Variants in CDH13 observed in about 807,000 individuals in gnomAD.
CDH13 encodes the protein cadherin 13.
A neutral mutation model predicts 63.8 loss-of-function variants in CDH13; 24 were observed. That is an observed-to-expected ratio of 0.38 (90% CI 0.27 to 0.53). The LOEUF (loss-of-function observed/expected upper bound fraction) is 0.53. Ranked by LOEUF, CDH13 falls within the 20% of genes least tolerant of loss-of-function variation. The pLI is 0.85. For synonymous variants in CDH13, 503 were observed against 355.3 expected, an observed-to-expected ratio of 1.42 and a Z score of -4.67; for missense variants, 1,049 against 903.1, an observed-to-expected ratio of 1.16 and a Z score of -2.07.
chr16:83,738,058 A>G (rs1911704713), intron 10 of CDH13, among the ~76,000 whole-genome samples: 1 of 152,272 alleles, frequency 6.6e-6, no homozygotes, highest in Non-Finnish European at 1.5e-5. Context: ...TAGACACAAC[A>G]GCAGAAAGTT....
At chr16:83,112,349 A>G (rs2035097634) in intron 3 of CDH13, among the ~76,000 whole-genome samples, 4 of 152,192 alleles carry the variant, frequency 2.6e-5, no homozygotes, top group African/African-American at 2.4e-5. Flanking sequence ...AAGCAAGCAA[A>G]CAGGCTTTGA....
rs144980004 is a variant in CDH13, at chr16:82,958,870, T to G, written c.158-73140T>G. On this transcript the variant is annotated intron_variant, in intron 2 of 13. Transcript: ENST00000567109. Reference sequence around the variant, plus strand: ...CTGGGTGAGTACTCAGCCTGAGGTCTGAATGGAACCTTCCACCTGGGAAGA... The same window carrying G: ...CTGGGTGAGTACTCAGCCTGAGGTCGGAATGGAACCTTCCACCTGGGAAGA... Among the ~76,000 whole-genome samples, 769 of 152,398 alleles carry G rather than the reference T, an allele frequency of 5.0e-3. 8 individuals carry two copies. Among genetic ancestry groups the G allele is most frequent in the African/African-American group, 0.018 (743 of 41,602 alleles).
At chr16:82,889,885 C>G (rs1445834962) in intron 2 of CDH13, among the ~76,000 whole-genome samples, 3 of 152,184 alleles carry the variant, frequency 2.0e-5, no homozygotes, top group African/African-American at 7.2e-5. Flanking sequence ...AAAAGAGATG[C>G]TTGCTCAAGA....
At chr16:83,437,174 CAG>C (rs2072330637) in intron 6 of CDH13, among the ~76,000 whole-genome samples, 1 of 152,030 alleles carries the variant, frequency 6.6e-6, no homozygotes, top group African/African-American at 2.4e-5. Flanking sequence ...GTTAAAAGCA[CAG>C]AGTCCAGAAG....
intron 3 of CDH13, among the ~76,000 whole-genome samples, chr16:83,037,997 G>T (rs1917016069): frequency 6.6e-6 from 1 of 152,134 alleles, no homozygotes; most frequent in Admixed American, 6.5e-5. Flanking sequence ...GAGGCCCTGA[G>T]ACAGAAGCCA....
chr16:83,230,436 C>G (rs1221711451), intron 5 of CDH13, among the ~76,000 whole-genome samples: 1 of 152,142 alleles, frequency 6.6e-6, no homozygotes, highest in Non-Finnish European at 1.5e-5. Context: ...TGTTCCCTGC[C>G]TGACCACCCC....
At chr16:83,763,728 A>G (rs1315964234) in intron 11 of CDH13, among the ~76,000 whole-genome samples, 3 of 148,254 alleles carry the variant, frequency 2.0e-5, no homozygotes, top group South Asian at 2.1e-4. Context: ...TAAATTGATG[A>G]CCCAGCCATC....
intron 5 of CDH13, among the ~76,000 whole-genome samples, chr16:83,262,312 G>A (rs1213287600): frequency 6.6e-6 from 1 of 152,170 alleles, no homozygotes; most frequent in East Asian, 1.9e-4. Flanking sequence ...CATTAAGTCT[G>A]CACAGCTGTG....
At chr16:83,237,250 G>A (rs2040173051) in intron 5 of CDH13, among the ~76,000 whole-genome samples, 2 of 152,208 alleles carry the variant, frequency 1.3e-5, no homozygotes, top group South Asian at 2.1e-4. Flanking sequence ...AAAGAGCTGA[G>A]TGGGCACCCA....
At chr16:83,061,908 T>C (rs2031587138) in intron 3 of CDH13, among the ~76,000 whole-genome samples, 1 of 152,166 alleles carries the variant, frequency 6.6e-6, no homozygotes, top group African/African-American at 2.4e-5. Flanking sequence ...CAGGAGATGC[T>C]TACCTGAAGG....
intron 11 of CDH13, among the ~76,000 whole-genome samples, chr16:83,754,478 A>G (rs1387425584): frequency 6.6e-6 from 1 of 152,178 alleles, no homozygotes; most frequent in Non-Finnish European, 1.5e-5. Flanking sequence ...GCAAGGCTCC[A>G]TCTGATACAG....
chr16:83,772,115 C>G (rs1914798909), intron 11 of CDH13, among the ~76,000 whole-genome samples: 1 of 152,012 alleles, frequency 6.6e-6, no homozygotes, highest in Non-Finnish European at 1.5e-5. Flanking sequence ...AAATGAGATG[C>G]CTATTAAACT....
At chr16:83,601,243 T>C (rs1028292997) in intron 7 of CDH13, among the ~76,000 whole-genome samples, 5 of 152,144 alleles carry the variant, frequency 3.3e-5, no homozygotes, top group African/African-American at 1.2e-4. Context: ...ATGAATGGTA[T>C]GATTGTGGAC....
At chr16:83,726,403 A>T (rs201144792) in intron 10 of CDH13, 1 of 137,116 alleles carries the variant, frequency 7.3e-6, no homozygotes, top group Admixed American at 7.3e-5. Flanking sequence ...TTATTTGTTC[A>T]TTCTCCAGAC....
intron 1 of CDH13, among the ~76,000 whole-genome samples, chr16:82,633,140 C>T (rs1908223128): frequency 6.6e-6 from 1 of 152,208 alleles, no homozygotes; most frequent in South Asian, 2.1e-4. Context: ...TGGTACTGGC[C>T]TGTGGCCTGG....
intron 6 of CDH13, among the ~76,000 whole-genome samples, chr16:83,471,629 CAG>C (rs1555554656): frequency 3.9e-5 from 6 of 152,170 alleles, no homozygotes; most frequent in Non-Finnish European, 8.8e-5. Flanking sequence ...TTTTGCAGCT[CAG>C]AGAGGCTGCC....
At chr16:82,683,777 G>C (rs1914790186) in intron 1 of CDH13, among the ~76,000 whole-genome samples, 1 of 152,226 alleles carries the variant, frequency 6.6e-6, no homozygotes, top group Non-Finnish European at 1.5e-5. Flanking sequence ...CTCAAGCCAA[G>C]AAGGCAAAGA....
chr16:83,795,372 G>T lies in CDH13; in HGVS notation c.*342G>T, dbSNP rs922142103. On this transcript the variant is annotated 3_prime_UTR_variant, in exon 14 of 14. Transcript: ENST00000567109. Reference sequence around the variant, plus strand: ...CTCCAGGCACCCAGCTTTGTCTGTGGGTTAGTATTGGTGTATGTATGAGTA... The same window carrying T: ...CTCCAGGCACCCAGCTTTGTCTGTGTGTTAGTATTGGTGTATGTATGAGTA... 6.3e-6 allele frequency: 2 copies of T among 318,614 alleles called. No individual in the cohort carries two copies. The highest frequency in any genetic ancestry group is 1.4e-4 in the East Asian group (2 of 14,434). The allele number at this position is 318,614 out of a possible 1,614,324, so 19.7% of individuals were successfully genotyped here.
At chr16:82,771,023 C>A (rs976608265) in intron 1 of CDH13, among the ~76,000 whole-genome samples, 1 of 152,068 alleles carries the variant, frequency 6.6e-6, no homozygotes, top group Non-Finnish European at 1.5e-5. Context: ...CCCAATAGTT[C>A]CAATTTTTTA....
Sources: gnomAD v4.1 joint callset for allele counts (sites outside exome capture counted in the v4.1 genomes callset) on GRCh38, gnomAD v4.1.1 for gene constraint, MANE v1.5 for transcripts, NCBI Gene and HGNC (gene_info 2026-07-23, HGNC 2026-07-21) for gene names.